Variants in TMEM14B observed in about 807,000 individuals in gnomAD.
TMEM14B encodes the protein transmembrane protein 14B.
Under a neutral mutation model 14.8 loss-of-function variants are expected in TMEM14B, and 9 were observed. That is an observed-to-expected ratio of 0.61 (90% CI 0.37 to 1.06). The LOEUF is 1.06. TMEM14B is among the 50% of genes least tolerant of loss of function. The pLI is 0.01. For missense variants in TMEM14B, 128 were observed against 143.6 expected (o/e 0.89, Z 0.56); for synonymous variants, 40 against 51.3 (o/e 0.78, Z 0.94).
intron 2 of TMEM14B, 85 bp from the exon 3 acceptor site, chr6:10,749,537 C>T (rs1292365418): frequency 6.7e-7 from 1 of 1,493,318 alleles, no homozygotes; most frequent in African/African-American, 1.4e-5. Flanking sequence ...GAATGATTAC[C>T]TTTTAGCCCC....
At position 10,751,199 on chromosome 6, in the gene TMEM14B, T is replaced by C. The variant is rs761807406; in HGVS notation, c.167T>C (p.Leu56Pro). The C allele has an allele frequency of 1.1e-5, 18 of 1,613,998 alleles. No individual in the cohort carries two copies. The South Asian group carries it at 2.0e-4, about 18-fold the overall frequency. ...GSLAGLGAYQ[L>P]YQDPRNVWGF... The stretch of plus-strand genomic sequence containing the variant: ...CTAGCCGGCCTGGGTGCTTACCAGC[T>C]GTATCAGGATCCAAGGAACGTTTGG... Residue 56 changes from leucine (L) to proline (P), a missense_variant, in exon 4 of 6, where the codon CTG (leucine) becomes CCG (proline). By Grantham distance (98) the Leu-to-Pro change is moderately conservative (BLOSUM62 -3). Coordinates refer to ENST00000379542, the MANE Select transcript of TMEM14B (RefSeq NM_030969.5).
intron 1 of TMEM14B, 146 bp from the exon 2 acceptor site, chr6:10,749,056 C>G (rs1245577876): frequency 1.8e-6 from 1 of 570,464 alleles, no homozygotes; most frequent in African/African-American, 1.8e-5. Flanking sequence ...CACAACACCC[C>G]CAGGAAATTG....
chr6:10,754,919 G>T (rs1318973951), intron 4 of TMEM14B, among the ~76,000 whole-genome samples: 1 of 152,220 alleles, frequency 6.6e-6, no homozygotes, highest in Non-Finnish European at 1.5e-5. Flanking sequence ...AAGAGATGAG[G>T]CTGGAAGGGC....
At chr6:10,749,841 C>G (rs1468508484) in intron 3 of TMEM14B, 143 bp downstream of exon 3, 1 of 911,764 alleles carries the variant, frequency 1.1e-6, no homozygotes, top group Non-Finnish European at 1.8e-6. Context: ...CCTTGTCAGT[C>G]TTGCAGCTCC....
chr6:10,751,577 G>A (rs1328137674), intron 4 of TMEM14B, among the ~76,000 whole-genome samples: 1 of 151,990 alleles, frequency 6.6e-6, no homozygotes, highest in Non-Finnish European at 1.5e-5. Context: ...AGTAAAGTCA[G>A]CATTAAACTT....
chr6:10,749,591 GACTT>G, intron 2 of TMEM14B, 27 bp from the exon 3 acceptor site: 1 of 1,612,698 alleles, frequency 6.2e-7, no homozygotes, highest in South Asian at 1.1e-5. Context: ...GGTTAGCACT[GACTT>G]CTCACTGACT....
intron 2 of TMEM14B, 77 bp downstream of exon 2, chr6:10,749,345 C>T: frequency 6.4e-7 from 1 of 1,564,524 alleles, no homozygotes; most frequent in Non-Finnish European, 8.8e-7. Context: ...CTGAAAAGAA[C>T]CCTAAGAGTA....
At chr6:10,753,915 C>T (rs1411853048) in intron 4 of TMEM14B, among the ~76,000 whole-genome samples, 1 of 152,158 alleles carries the variant, frequency 6.6e-6, no homozygotes, top group East Asian at 1.9e-4. Flanking sequence ...TAGCTGGTAT[C>T]CCCATGTACC....
rs563451292 is a variant in TMEM14B, at chr6:10,749,390, A to C, written c.23+122A>C. Reference sequence around the variant, plus strand: ...GGATGGCGTGCGGGATGGGAGGATCACTGGACCTGTGGGCCAGAAACTTGG... The same window carrying C: ...GGATGGCGTGCGGGATGGGAGGATCCCTGGACCTGTGGGCCAGAAACTTGG... On this transcript the variant is annotated intron_variant, in intron 2 of 5. Transcript: ENST00000379542. 6 of 1,318,320 alleles carry C rather than the reference A, an allele frequency of 4.6e-6. No individual in the cohort carries two copies. In the East Asian group the frequency reaches 1.4e-4, roughly 30 times the overall value. The allele number at this position is 1,318,320 out of a possible 1,614,324, so 81.7% of individuals were successfully genotyped here.
rs149369273 is a variant in TMEM14B at position 10,751,145 on chromosome 6, C to T, written c.113C>T (p.Ser38Phe). ...TGCTTCCTTCTAGGCAGCGTGCCGT[C>T]CCTGGCTGCAGGGCTGCTCTTCGGC... is the stretch of plus-strand genomic sequence containing the variant. ...VGYVKTGSVP[S>F]LAAGLLFGSL... The change falls in exon 4 of 6, where the codon TCC becomes TTC. Residue 38 changes from serine to phenylalanine, a missense_variant. Coordinates refer to ENST00000379542, the MANE Select transcript of TMEM14B (RefSeq NM_030969.5). The T allele has an allele frequency of 1.1e-5, 17 of 1,613,736 alleles. No homozygotes were observed. The highest frequency in any genetic ancestry group is 4.0e-5 in the African/African-American group (3 of 74,762).
intron 1 of TMEM14B, 59 bp downstream of exon 1, chr6:10,747,940 G>A (rs1298608107): frequency 2.6e-5 from 4 of 152,284 alleles, no homozygotes; most frequent in African/African-American, 9.6e-5. Context: ...AACTTTTAGG[G>A]ATTATTTAGG....
At chr6:10,749,897 G>T (rs940529697) in intron 3 of TMEM14B, 199 bp downstream of exon 3, 162 of 658,206 alleles carry the variant, frequency 2.5e-4, no homozygotes, top group African/African-American at 1.1e-4. Context: ...CAGGCCTCTT[G>T]TGGAATTACT....
chr6:10,750,611 C>T (rs1264862298), intron 3 of TMEM14B, among the ~76,000 whole-genome samples: 5 of 152,050 alleles, frequency 3.3e-5, no homozygotes, highest in African/African-American at 4.8e-5. Flanking sequence ...CTGGGAACTG[C>T]GGATATAGCT....
rs1581612277 is a variant in TMEM14B at position 10,751,345 on chromosome 6, G to A, written c.202+111G>A. ...AGTTCTTCCCACTTAATTTACGACA[G>A]TTTCACTGCTTCTCCAAGTCCAAGT... On this transcript the variant is annotated intron_variant, in intron 4 of 5. Coordinates refer to ENST00000379542, the MANE Select transcript of TMEM14B (RefSeq NM_030969.5). 8 of 1,202,374 alleles carry A rather than the reference G, an allele frequency of 6.7e-6. No homozygotes were observed. In the East Asian group the frequency reaches 1.9e-4, roughly 29 times the overall value. 74.5% of individuals were successfully genotyped at this position (1,202,374 alleles called of 1,614,324 possible). A position where few individuals can be genotyped will look rare whatever the true frequency, so the allele number is the denominator to read the frequency against.
At chr6:10,748,354 TCCCA>T (rs1318874342) in intron 1 of TMEM14B, among the ~76,000 whole-genome samples, 1 of 152,048 alleles carries the variant, frequency 6.6e-6, no homozygotes, top group African/African-American at 2.4e-5. Context: ...CAAGCCATCC[TCCCA>T]CCTCAGCCTC....
chr6:10,758,138 TA>T (rs1771867983), downstream of TMEM14B, among the ~76,000 whole-genome samples: 1 of 152,206 alleles, frequency 6.6e-6, no homozygotes, highest in South Asian at 2.1e-4. Context: ...TCTGGACAAT[TA>T]AGGGCTCTTG....
rs548560408 is a variant in TMEM14B, at chr6:10,751,255, C to A, written c.202+21C>A. 29 of 1,612,698 alleles carry A rather than the reference C, an allele frequency of 1.8e-5. No homozygotes were observed. In the Middle Eastern group the frequency reaches 5.0e-4, roughly 28 times the overall value. ...CCTAGGTATGTCTGCTTCAGCGTCT[C>A]CTTAGGGCAATCATGTATCTGGAAT... On this transcript the variant is annotated intron_variant, in intron 4 of 5. Coordinates refer to ENST00000379542, the MANE Select transcript of TMEM14B (RefSeq NM_030969.5).
rs530939449 is a variant in TMEM14B, at chr6:10,749,793, C to G, written c.100+95C>G. 179 of 1,485,882 alleles carry G rather than the reference C, an allele frequency of 1.2e-4. 1 individual carries two copies. In the African/African-American group the frequency reaches 2.3e-3, roughly 19 times the overall value. 92.0% of individuals were successfully genotyped at this position (1,485,882 alleles called of 1,614,324 possible). A position where few individuals can be genotyped will look rare whatever the true frequency, so the allele number is the denominator to read the frequency against. ...CCCTGAGAAGCAATCTCGTTTGACT[C>G]AGCTTTGCTGTAGGTCCCCAAGCTG... On this transcript the variant is annotated intron_variant, in intron 3 of 5. Coordinates refer to ENST00000379542, the MANE Select transcript of TMEM14B (RefSeq NM_030969.5).
intron 5 of TMEM14B, 51 bp downstream of exon 5, chr6:10,755,283 C>A (rs1235392783): frequency 6.2e-7 from 1 of 1,612,722 alleles, no homozygotes; most frequent in Middle Eastern, 1.6e-4. Context: ...AGTTTATTGC[C>A]CAGAATACTT....
Sources: gnomAD v4.1 joint callset for allele counts (sites outside exome capture counted in the v4.1 genomes callset) on GRCh38, gnomAD v4.1.1 for gene constraint, MANE v1.5 for transcripts, NCBI Gene and HGNC (gene_info 2026-07-23, HGNC 2026-07-21) for gene names.